The following FCER1A variants were observed in gnomAD, a reference collection of about 807,000 sequenced individuals.
FCER1A encodes the protein high affinity immunoglobulin epsilon receptor subunit alpha.
Under a neutral mutation model 23.6 loss-of-function variants are expected in FCER1A, and 24 were observed. The ratio of observed to expected loss-of-function variants is 1.02; its 90% CI spans 0.74 to 1.43. The LOEUF (loss-of-function observed/expected upper bound fraction) is 1.43, where lower values mean the gene tolerates loss of function less well. FCER1A is among the 40% of genes most tolerant of loss of function. The pLI, the probability that FCER1A is intolerant of heterozygous loss-of-function variation, is 0.00. For synonymous variants in FCER1A, 121 were observed against 108.8 expected (o/e 1.11, Z -0.70); for missense variants, 318 against 294.5 (o/e 1.08, Z -0.58).
chr1:159,285,468 A>G (rs1651990910), upstream of FCER1A, among the ~76,000 whole-genome samples: 1 of 151,972 alleles, frequency 6.6e-6, no homozygotes, highest in Non-Finnish European at 1.5e-5. Context: ...TATATTAGAT[A>G]TATTAAACTG....
the FCER1A span, among the ~76,000 whole-genome samples, chr1:159,284,433 G>A: frequency 6.6e-6 from 1 of 152,304 alleles, no homozygotes; most frequent in African/African-American, 2.4e-5. Flanking sequence ...TACAGTCTCT[G>A]CACCCATGTG....
upstream of FCER1A, among the ~76,000 whole-genome samples, chr1:159,300,184 C>T (rs1233319280): frequency 6.6e-6 from 1 of 152,160 alleles, no homozygotes; most frequent in Non-Finnish European, 1.5e-5. Flanking sequence ...AACTCCAAAG[C>T]TTATACTCTT....
chr1:159,302,622 A>G (rs1346075199), intron 1 of FCER1A, among the ~76,000 whole-genome samples: 1 of 152,176 alleles, frequency 6.6e-6, no homozygotes, highest in Admixed American at 6.5e-5. Flanking sequence ...GCCAGACTGA[A>G]AGCTTGGTTC....
At chr1:159,292,938 A>T (rs80270048) in intron 1 of FCER1A, among the ~76,000 whole-genome samples, 25,021 of 151,762 alleles carry the variant, frequency 0.16, 2,898 homozygotes, top group East Asian at 0.53. Context: ...TGCCATGTGA[A>T]TCTCGGTGCC....
chr1:159,293,640 G>C (rs1057409628), intron 1 of FCER1A, among the ~76,000 whole-genome samples: 1 of 145,278 alleles, frequency 6.9e-6, no homozygotes, highest in African/African-American at 2.5e-5. Flanking sequence ...GAGAATATGC[G>C]GTGTTTGGTT....
upstream of FCER1A, among the ~76,000 whole-genome samples, chr1:159,289,362 C>T (rs1306083963): frequency 1.3e-5 from 2 of 152,206 alleles, no homozygotes; most frequent in Admixed American, 6.5e-5. Context: ...TCTTCCTGAA[C>T]TCCTGCAATT....
upstream of FCER1A, among the ~76,000 whole-genome samples, chr1:159,297,995 A>G (rs1193551661): frequency 1.3e-5 from 2 of 152,144 alleles, no homozygotes; most frequent in Admixed American, 6.5e-5. Flanking sequence ...CTCACTTAAC[A>G]TCTGTATCTG....
chr1:159,294,256 A>G (rs1652237913), intron 1 of FCER1A, among the ~76,000 whole-genome samples: 1 of 152,230 alleles, frequency 6.6e-6, no homozygotes, highest in Non-Finnish European at 1.5e-5. Context: ...GCTGCTATAA[A>G]GACACATGCA....
Position 159,302,879 on chromosome 1 carries a change from G to T in FCER1A, c.76+5G>T, listed in dbSNP as rs763791207. 2 of 1,613,466 alleles carry T rather than the reference G, an allele frequency of 1.2e-6. No homozygotes were observed. Among genetic ancestry groups the T allele is most frequent in the African/African-American group, 2.7e-5 (2 of 74,910 alleles). ...CTCCAGATGGCGTGTTAGCAGGTGA[G>T]TCCTCTGTTCTTGTTCCCTTGGTGT... On this transcript the variant is annotated splice_donor_5th_base_variant and intron_variant, in intron 2 of 4. Transcript: ENST00000693622.
At chr1:159,285,155 G>A (rs1288003372), upstream of FCER1A, among the ~76,000 whole-genome samples, 2 of 152,142 alleles carry the variant, frequency 1.3e-5, no homozygotes, top group African/African-American at 4.8e-5. Flanking sequence ...AGGATCACTG[G>A]CCTCTACCCA....
At chr1:159,302,659 A>G (rs1044799640) in intron 1 of FCER1A, among the ~76,000 whole-genome samples, 195 bp from the exon 2 acceptor site, 1 of 152,184 alleles carries the variant, frequency 6.6e-6, no homozygotes, top group Non-Finnish European at 1.5e-5. Flanking sequence ...CATCTTCCAG[A>G]GTGCAAATTT....
At chr1:159,290,585 A>G (rs1033897594) in intron 1 of FCER1A, among the ~76,000 whole-genome samples, 10 of 152,170 alleles carry the variant, frequency 6.6e-5, no homozygotes, top group African/African-American at 1.2e-4. Context: ...TAAGATCCCT[A>G]CCATTCAGAC....
At chr1:159,288,684 C>T (rs956432202), upstream of FCER1A, among the ~76,000 whole-genome samples, 1 of 152,168 alleles carries the variant, frequency 6.6e-6, no homozygotes, top group South Asian at 2.1e-4. Flanking sequence ...ATTTAATTCT[C>T]TCTGTGTTAC....
At chr1:159,286,876 T>C (rs926860329), upstream of FCER1A, among the ~76,000 whole-genome samples, 4 of 152,314 alleles carry the variant, frequency 2.6e-5, no homozygotes, top group Middle Eastern at 3.4e-3. Context: ...AGCAAGCCTA[T>C]GTCCTATAAT....
At chr1:159,298,859 G>T (rs537390687), upstream of FCER1A, among the ~76,000 whole-genome samples, 40 of 152,154 alleles carry the variant, frequency 2.6e-4, no homozygotes, top group Non-Finnish European at 5.4e-4. Flanking sequence ...CTATTTGTGG[G>T]TTATGGAACC....
At chr1:159,305,225 G>A (rs6656586) in intron 3 of FCER1A, among the ~76,000 whole-genome samples, 18,694 of 152,150 alleles carry the variant, frequency 0.12, 3,899 homozygotes, top group African/African-American at 0.42. Context: ...AAGTCCTAAA[G>A]GATTGGTCCT....
At chr1:159,296,512 G>A (rs1224272334) in intron 1 of FCER1A, among the ~76,000 whole-genome samples, 1 of 152,140 alleles carries the variant, frequency 6.6e-6, no homozygotes, top group African/African-American at 2.4e-5. Context: ...TAAAAGCCAA[G>A]GATAATCTTT....
chr1:159,302,881 C>T lies in FCER1A; in HGVS notation c.76+7C>T. The T allele has an allele frequency of 6.2e-7, 1 of 1,613,372 alleles. No individual in the cohort carries two copies. Among genetic ancestry groups the T allele is most frequent in the East Asian group, 2.2e-5 (1 of 44,876 alleles). ...CCAGATGGCGTGTTAGCAGGTGAGT[C>T]CTCTGTTCTTGTTCCCTTGGTGTTT... On this transcript the variant is annotated splice_region_variant and intron_variant, in intron 2 of 4. Coordinates refer to ENST00000693622, the MANE Select transcript of FCER1A (RefSeq NM_001387280.1).
intron 1 of FCER1A, 122 bp from the exon 2 acceptor site, chr1:159,302,732 T>G (rs1652472165): frequency 2.2e-6 from 2 of 896,728 alleles, no homozygotes; most frequent in Non-Finnish European, 3.7e-6. Flanking sequence ...TTCTGATTCC[T>G]GAAAAGACGG....
Sources: gnomAD v4.1 joint callset for allele counts (sites outside exome capture counted in the v4.1 genomes callset) on GRCh38, gnomAD v4.1.1 for gene constraint, MANE v1.5 for transcripts, NCBI Gene and HGNC (gene_info 2026-07-23, HGNC 2026-07-21) for gene names.